Variants in NAV3 observed in about 807,000 individuals in gnomAD.
The protein encoded by NAV3 is pore membrane and/or filament interacting like protein 1.
In NAV3, 87 loss-of-function variants were observed where a neutral mutation model predicts 244.7. The observed-to-expected ratio is 0.36, with a 90% CI of 0.30 to 0.42. The LOEUF (loss-of-function observed/expected upper bound fraction) is 0.42, where lower values mean the gene tolerates loss of function less well. Ranked by LOEUF, NAV3 falls within the 20% of genes least tolerant of loss-of-function variation. The pLI is 1.00. For missense variants in NAV3, 2,663 were observed against 2,893.3 expected, an observed-to-expected ratio of 0.92 and a Z score of 1.83; for synonymous variants, 1,126 against 1,042.2, an observed-to-expected ratio of 1.08 and a Z score of -1.55.
chr12:77,639,606 A>G (rs1450601765), intron 2 of NAV3, among the ~76,000 whole-genome samples: 1 of 152,128 alleles, frequency 6.6e-6, no homozygotes, highest in South Asian at 2.1e-4. Context: ...TAAGGTACAC[A>G]CATTTATTAT....
rs762877511 is a variant in NAV3, at chr12:78,168,880, T to C, written c.4981+14T>C. 7.4e-5 allele frequency: 114 copies of C among 1,532,056 alleles called. No homozygotes were observed. The East Asian group carries it at 2.4e-3, about 33-fold the overall frequency. The allele number at this position is 1,532,056 out of a possible 1,614,324, so 94.9% of individuals were successfully genotyped here. A position where few individuals can be genotyped will look rare whatever the true frequency, so the allele number is the denominator to read the frequency against. ...ATCCTCCCAAAGGTATATTTAGAAA[T>C]CATTTCATTTCCACCCAATATAATA... is the stretch of plus-strand genomic sequence containing the variant. On this transcript the variant is annotated intron_variant, in intron 24 of 39. Transcript: ENST00000397909.
chr12:78,012,685 T>C (rs1346794737), intron 8 of NAV3, among the ~76,000 whole-genome samples: 1 of 152,140 alleles, frequency 6.6e-6, no homozygotes, highest in Non-Finnish European at 1.5e-5. Flanking sequence ...ATTAGAGCTC[T>C]GCTAATCTCC....
At chr12:77,588,974 G>A (rs1365956135) in intron 2 of NAV3, among the ~76,000 whole-genome samples, 2 of 152,020 alleles carry the variant, frequency 1.3e-5, no homozygotes, top group African/African-American at 2.4e-5. Flanking sequence ...GCTATACCTG[G>A]GAATGAGTAC....
chr12:77,958,311 C>T (rs889201340), intron 3 of NAV3, among the ~76,000 whole-genome samples: 4 of 151,890 alleles, frequency 2.6e-5, no homozygotes, highest in South Asian at 2.1e-4. Flanking sequence ...GGCTGTGTCT[C>T]GAAATTGATC....
intron 2 of NAV3, among the ~76,000 whole-genome samples, chr12:77,788,936 C>A (rs2135937282): frequency 6.6e-6 from 1 of 152,260 alleles, no homozygotes. Context: ...TCCTCCATCT[C>A]CCCCAGCAAG....
chr12:78,135,541 A>C (rs1440813695), intron 18 of NAV3, among the ~76,000 whole-genome samples: 1 of 152,192 alleles, frequency 6.6e-6, no homozygotes, highest in Non-Finnish European at 1.5e-5. Context: ...CAAATAAAAT[A>C]TCCTCCTAAC....
Position 77,969,401 on chromosome 12 carries a change from G to T in NAV3, c.671+699G>T, listed in dbSNP as rs930107853. 7.9e-5 allele frequency among the ~76,000 whole-genome samples: 12 copies of T among 152,202 alleles called. No individual in the cohort carries two copies. The East Asian group carries it at 2.3e-3, about 29-fold the overall frequency. ...ACAAGAGATTTATTGTGAAGAATTGGTTTAGCATGATTGAGCATACTGGTT... is the reference window on the plus strand; with the variant it reads ...ACAAGAGATTTATTGTGAAGAATTGTTTTAGCATGATTGAGCATACTGGTT... On this transcript the variant is annotated intron_variant, in intron 5 of 39. Transcript: ENST00000397909.
At chr12:78,061,022 T>C (rs187087084) in intron 12 of NAV3, among the ~76,000 whole-genome samples, 1 of 152,270 alleles carries the variant, frequency 6.6e-6, no homozygotes, top group African/African-American at 2.4e-5. Context: ...AGGTATCTAA[T>C]AAATTGGGAC....
At chr12:77,666,243 A>G (rs1481852188) in intron 2 of NAV3, among the ~76,000 whole-genome samples, 3 of 139,304 alleles carry the variant, frequency 2.2e-5, no homozygotes, top group Non-Finnish European at 4.5e-5. Flanking sequence ...ATCACTCATT[A>G]ATAATATCTC....
intron 31 of NAV3, among the ~76,000 whole-genome samples, chr12:78,187,646 G>A (rs948632733): frequency 1.3e-5 from 2 of 151,722 alleles, no homozygotes; most frequent in Non-Finnish European, 2.9e-5. Context: ...TCTCTGGCAA[G>A]GTCTTTTAAA....
intron 21 of NAV3, among the ~76,000 whole-genome samples, chr12:78,148,022 A>G (rs1018198880): frequency 1.3e-5 from 2 of 152,100 alleles, no homozygotes; most frequent in Non-Finnish European, 2.9e-5. Context: ...GCTTGAATTA[A>G]AACTTTAAAC....
At chr12:77,621,476 T>C (rs12299052) in intron 2 of NAV3, among the ~76,000 whole-genome samples, 1,710 of 143,296 alleles carry the variant, frequency 0.012, 38 homozygotes, top group African/African-American at 0.044. Context: ...TTTTCTCTTC[T>C]CTTTTTTTTT....
intron 34 of NAV3, among the ~76,000 whole-genome samples, chr12:78,193,241 C>G (rs1959060268): frequency 6.6e-6 from 1 of 152,204 alleles, no homozygotes; most frequent in African/African-American, 2.4e-5. Context: ...TCCCACACTT[C>G]AAGCCCTCCC....
chr12:77,593,894 A>G (rs1252855880), intron 2 of NAV3, among the ~76,000 whole-genome samples: 1 of 152,110 alleles, frequency 6.6e-6, no homozygotes, highest in African/African-American at 2.4e-5. Flanking sequence ...ATTTTTCTCT[A>G]AAGTCACATG....
intron 1 of NAV3, among the ~76,000 whole-genome samples, chr12:77,866,871 C>T (rs908022875): frequency 2.0e-5 from 3 of 152,202 alleles, no homozygotes; most frequent in Non-Finnish European, 4.4e-5. Context: ...GAAAACCTCT[C>T]AAATATACTT....
chr12:77,979,699 GAAAAAAAAAAAAGA>G (rs1171684050), intron 5 of NAV3, among the ~76,000 whole-genome samples: 2 of 79,358 alleles, frequency 2.5e-5, no homozygotes, highest in African/African-American at 8.8e-5. Flanking sequence ...GATGTGAAAC[GAAAAAAAAAAAAGA>G]AAAAAAAAAA....
At chr12:78,207,589 AT>A (rs1195927247) in intron 39 of NAV3, among the ~76,000 whole-genome samples, 2 of 152,216 alleles carry the variant, frequency 1.3e-5, no homozygotes, top group African/African-American at 4.8e-5. Context: ...TGAATGATTA[AT>A]AGGAGTTCAC....
At chr12:77,967,790 A>T (rs1016073570) in intron 4 of NAV3, among the ~76,000 whole-genome samples, 5 of 152,136 alleles carry the variant, frequency 3.3e-5, no homozygotes, top group Admixed American at 1.3e-4. Flanking sequence ...TTCATCTGTT[A>T]GAACAAGGAT....
chr12:78,062,909 A>AT lies in NAV3; in HGVS notation c.2636+3803dup, dbSNP rs959125543. Among the ~76,000 whole-genome samples, 11 of 151,520 alleles carry AT rather than the reference A, an allele frequency of 7.3e-5. 1 individual carries two copies. In the South Asian group the frequency reaches 1.0e-3, roughly 14 times the overall value. ...GTCAAAAGAAAAAAAAATCCACAGCATTTTTTTTTCTTAGTTATTCTTTCT... is the reference window on the plus strand; with the variant it reads ...GTCAAAAGAAAAAAAAATCCACAGCATTTTTTTTTTCTTAGTTATTCTTTCT... On this transcript the variant is annotated intron_variant, in intron 12 of 39. Transcript: ENST00000397909.
Sources: allele counts gnomAD v4.1 joint callset (sites outside exome capture counted in the v4.1 genomes callset), GRCh38; gene constraint gnomAD v4.1.1; transcripts MANE v1.5; gene names NCBI Gene and HGNC (gene_info 2026-07-23, HGNC 2026-07-21).